Variants in OCA2 observed in about 807,000 individuals in gnomAD.
OCA2 encodes P protein.
A neutral mutation model predicts 100.2 loss-of-function variants in OCA2; 77 were observed. The ratio of observed to expected loss-of-function variants is 0.77; its 90% CI spans 0.64 to 0.93. OCA2 has a LOEUF of 0.93. Ranked by LOEUF, OCA2 falls within the 40% of genes least tolerant of loss-of-function variation. OCA2 has a pLI of 0.00. For synonymous variants in OCA2, 432 were observed against 439.2 expected, an observed-to-expected ratio of 0.98 and a Z score of 0.21; for missense variants, 1,062 against 1,089.1, an observed-to-expected ratio of 0.98 and a Z score of 0.35.
chr15:27,972,848 AT>A (rs1567177123), intron 14 of OCA2, among the ~76,000 whole-genome samples: 2 of 45,308 alleles, frequency 4.4e-5, no homozygotes, highest in Admixed American at 2.0e-4. Context: ...ATTTTATTTT[AT>A]TTTATTTTAT....
At chr15:27,962,418 T>C (rs1205526009) in intron 15 of OCA2, among the ~76,000 whole-genome samples, 2 of 152,318 alleles carry the variant, frequency 1.3e-5, no homozygotes, top group African/African-American at 2.4e-5. Context: ...AGTGGCCACA[T>C]ACATGTTTCA....
chr15:27,905,233 C>G (rs953276394), intron 19 of OCA2, among the ~76,000 whole-genome samples: 1 of 151,496 alleles, frequency 6.6e-6, no homozygotes, highest in Non-Finnish European at 1.5e-5. Flanking sequence ...TGCTTCTATC[C>G]CAAAATTTCC....
At chr15:27,791,878 G>A (rs1485061652) in intron 23 of OCA2, among the ~76,000 whole-genome samples, 3 of 152,022 alleles carry the variant, frequency 2.0e-5, no homozygotes, top group Non-Finnish European at 2.9e-5. Context: ...ATTTGCCAAT[G>A]TTTTATGATG....
intron 3 of OCA2, among the ~76,000 whole-genome samples, chr15:28,028,339 A>G (rs1470293953): frequency 6.6e-6 from 1 of 152,224 alleles, no homozygotes; most frequent in Admixed American, 6.5e-5. Context: ...TTTCCAAGAA[A>G]GCTGTTTCTG....
At chr15:27,825,078 C>T (rs1187464220) in intron 23 of OCA2, among the ~76,000 whole-genome samples, 1 of 152,166 alleles carries the variant, frequency 6.6e-6, no homozygotes, top group African/African-American at 2.4e-5. Flanking sequence ...CATTACATGA[C>T]AAAATTATCA....
chr15:28,018,663 TC>T, intron 6 of OCA2, 106 bp from the exon 7 acceptor site: 1 of 1,085,222 alleles, frequency 9.2e-7, no homozygotes, highest in Non-Finnish European at 1.4e-6. Flanking sequence ...GAAATGCGTT[TC>T]CCCAGGTGCC....
At chr15:28,021,790 C>A (rs938129274) in intron 6 of OCA2, among the ~76,000 whole-genome samples, 1 of 152,156 alleles carries the variant, frequency 6.6e-6, no homozygotes, top group Admixed American at 6.5e-5. Context: ...GGAATTCCTG[C>A]AGCCATGAGA....
intron 18 of OCA2, among the ~76,000 whole-genome samples, chr15:27,945,074 A>C (rs1048504387): frequency 2.0e-5 from 3 of 152,238 alleles, no homozygotes; most frequent in Non-Finnish European, 4.4e-5. Flanking sequence ...GTACAAATGC[A>C]TGAATAAGTG....
chr15:28,094,925 G>T (rs2044944124), intron 1 of OCA2, among the ~76,000 whole-genome samples: 1 of 152,230 alleles, frequency 6.6e-6, no homozygotes. Flanking sequence ...CGCCGGGCGT[G>T]GTCCTGACAC....
At position 27,913,861 on chromosome 15, in the gene OCA2, AAG is replaced by A. The variant is rs1567097835; in HGVS notation, c.2079+12264_2079+12265del. Among the ~76,000 whole-genome samples, 4 of 47,592 alleles carry A rather than the reference AAG, an allele frequency of 8.4e-5. No individual in the cohort carries two copies. In the East Asian group the frequency reaches 0.033, roughly 397 times the overall value. 31.2% of individuals were successfully genotyped at this position (47,592 alleles called of 152,430 possible). On this transcript the variant is annotated intron_variant, in intron 19 of 23. Coordinates refer to ENST00000354638, the MANE Select transcript of OCA2 (RefSeq NM_000275.3). The stretch of plus-strand genomic sequence containing the variant: ...AAGGAAAGAAAGAAAGAAAGAAAGA[AAG>A]AAAGAAAGAAAGAAAGAAAGAAAGA...
chr15:28,025,599 C>T (rs1459428930), intron 4 of OCA2, among the ~76,000 whole-genome samples: 5 of 152,234 alleles, frequency 3.3e-5, no homozygotes, highest in African/African-American at 4.8e-5. Flanking sequence ...CTTTGCCTGC[C>T]GGGATGCTCC....
At chr15:27,792,971 G>A (rs371959158) in intron 23 of OCA2, among the ~76,000 whole-genome samples, 16 of 152,334 alleles carry the variant, frequency 1.1e-4, no homozygotes, top group African/African-American at 3.6e-4. Context: ...TTCAGAGGAG[G>A]GGCGGCCAGG....
intron 3 of OCA2, among the ~76,000 whole-genome samples, chr15:28,028,263 G>T (rs912259796): frequency 2.0e-5 from 3 of 152,218 alleles, no homozygotes; most frequent in African/African-American, 7.2e-5. Context: ...AAATTTTCTG[G>T]AGTCATTAAA....
chr15:27,955,353 C>G (rs1595713179), intron 16 of OCA2, 138 bp from the exon 17 acceptor site: 5 of 730,658 alleles, frequency 6.8e-6, no homozygotes, highest in African/African-American at 3.5e-5. Flanking sequence ...TCATGGGGGG[C>G]CGGTGGGGCT....
chr15:27,833,912 C>T (rs761640951), intron 23 of OCA2, among the ~76,000 whole-genome samples: 1 of 152,192 alleles, frequency 6.6e-6, no homozygotes, highest in Non-Finnish European at 1.5e-5. Flanking sequence ...GCAGGCACCT[C>T]GAGGGCCCTT....
intron 19 of OCA2, among the ~76,000 whole-genome samples, chr15:27,925,467 C>T (rs2039010140): frequency 6.6e-6 from 1 of 152,138 alleles, no homozygotes; most frequent in Non-Finnish European, 1.5e-5. Context: ...TCAAAACATA[C>T]TTTGAAATAA....
At chr15:28,034,146 T>A (rs2042984389) in intron 2 of OCA2, among the ~76,000 whole-genome samples, 1 of 151,776 alleles carries the variant, frequency 6.6e-6, no homozygotes, top group Non-Finnish European at 1.5e-5. Flanking sequence ...TAAAAAATTG[T>A]CTGGGCATAG....
At chr15:27,848,320 T>A (rs534898788) in intron 22 of OCA2, among the ~76,000 whole-genome samples, 2 of 152,178 alleles carry the variant, frequency 1.3e-5, no homozygotes, top group Non-Finnish European at 2.9e-5. Context: ...CCTGGGGTGG[T>A]TGTGGGGTTC....
chr15:27,870,380 C>T (rs1383033965), intron 21 of OCA2, among the ~76,000 whole-genome samples: 1 of 152,200 alleles, frequency 6.6e-6, no homozygotes, highest in Non-Finnish European at 1.5e-5. Context: ...GACTTGTGTG[C>T]AAGCCCCTGG....
Sources: allele counts gnomAD v4.1 joint callset (sites outside exome capture counted in the v4.1 genomes callset), GRCh38; gene constraint gnomAD v4.1.1; transcripts MANE v1.5; gene names NCBI Gene and HGNC (gene_info 2026-07-23, HGNC 2026-07-21).